TYR: variants seen among roughly 807,000 people sequenced by gnomAD.
TYR encodes the protein tyrosinase, also known as LB24-AB.
Under a neutral mutation model 51.5 loss-of-function variants are expected in TYR, and 58 were observed. The ratio of observed to expected loss-of-function variants is 1.13; its 90% CI spans 0.91 to 1.40. The LOEUF (loss-of-function observed/expected upper bound fraction) is 1.40. TYR is among the 40% of genes most tolerant of loss of function. The probability of loss-of-function intolerance (pLI) is 0.00; values close to 1 mark genes in which losing one functional copy is unlikely to be tolerated. For missense variants in TYR, 732 were observed against 647.4 expected (o/e 1.13, Z -1.42); for synonymous variants, 263 against 235.2 (o/e 1.12, Z -1.08).
chr11:89,182,569 C>A (rs1943316054), intron 1 of TYR, among the ~76,000 whole-genome samples: 1 of 152,158 alleles, frequency 6.6e-6, no homozygotes, highest in Non-Finnish European at 1.5e-5. Context: ...ATTTATTGGT[C>A]AGAGTTTTCT....
chr11:89,194,866 T>G (rs1943494437), intron 2 of TYR, among the ~76,000 whole-genome samples: 2 of 152,210 alleles, frequency 1.3e-5, no homozygotes, highest in Admixed American at 1.3e-4. Context: ...TTCTCTCTGG[T>G]AAGCAAATTA....
intron 2 of TYR, among the ~76,000 whole-genome samples, chr11:89,218,967 T>C (rs1389334969): frequency 6.6e-6 from 1 of 152,228 alleles, no homozygotes; most frequent in Non-Finnish European, 1.5e-5. Context: ...ATGACTTTTG[T>C]AAATTTAACC....
chr11:89,214,498 G>C (rs1048240083), intron 2 of TYR, among the ~76,000 whole-genome samples: 6 of 152,176 alleles, frequency 3.9e-5, no homozygotes, highest in African/African-American at 1.4e-4. Flanking sequence ...TCTAGAACTA[G>C]AAATACCATT....
chr11:89,272,394 C>CTTTT (rs35724269), intron 3 of TYR, among the ~76,000 whole-genome samples: 3 of 144,664 alleles, frequency 2.1e-5, no homozygotes, highest in Non-Finnish European at 4.6e-5. Context: ...TGAATGAAAT[C>CTTTT]TTTTTTTTTT....
chr11:89,191,735 C>T (rs942158371), intron 2 of TYR, among the ~76,000 whole-genome samples: 4 of 151,928 alleles, frequency 2.6e-5, no homozygotes, highest in African/African-American at 4.8e-5. Flanking sequence ...ATTCCAGCCT[C>T]GGTAACAAAG....
intron 1 of TYR, among the ~76,000 whole-genome samples, chr11:89,185,019 T>C (rs754423720): frequency 4.6e-5 from 7 of 152,166 alleles, no homozygotes; most frequent in Non-Finnish European, 1.0e-4. Context: ...ACCAATAAAA[T>C]AGTCTTGATT....
At chr11:89,214,916 G>A (rs1041307007) in intron 2 of TYR, among the ~76,000 whole-genome samples, 3 of 152,146 alleles carry the variant, frequency 2.0e-5, no homozygotes, top group African/African-American at 7.2e-5. Flanking sequence ...TTGGCAAGCT[G>A]CTTATTCTTC....
At chr11:89,247,773 T>G (rs1944284844) in intron 3 of TYR, among the ~76,000 whole-genome samples, 1 of 152,038 alleles carries the variant, frequency 6.6e-6, no homozygotes, top group Non-Finnish European at 1.5e-5. Flanking sequence ...GATTAGGAGA[T>G]CCTGGGGGCA....
At chr11:89,258,751 C>T (rs1392365665) in intron 3 of TYR, among the ~76,000 whole-genome samples, 8 of 151,994 alleles carry the variant, frequency 5.3e-5, no homozygotes, top group Admixed American at 6.6e-5. Context: ...ATAGGTTCAA[C>T]AATACGGCTT....
At chr11:89,291,325 G>A (rs1944850958) in intron 4 of TYR, among the ~76,000 whole-genome samples, 1 of 151,744 alleles carries the variant, frequency 6.6e-6, no homozygotes, top group Non-Finnish European at 1.5e-5. Context: ...TGATGTATAG[G>A]GAAGTTTAAT....
chr11:89,207,426 T>C (rs188987858), intron 2 of TYR, among the ~76,000 whole-genome samples: 4 of 152,150 alleles, frequency 2.6e-5, no homozygotes, highest in East Asian at 1.9e-4. Context: ...CAATAAGAAA[T>C]AGACAACTTG....
chr11:89,225,876 A>G (rs572431665), intron 2 of TYR, among the ~76,000 whole-genome samples: 1 of 152,128 alleles, frequency 6.6e-6, no homozygotes, highest in South Asian at 2.1e-4. Context: ...CAAAGAAAAG[A>G]TAAATGATCG....
At chr11:89,270,011 G>GT (rs1400308496) in intron 3 of TYR, among the ~76,000 whole-genome samples, 1 of 151,838 alleles carries the variant, frequency 6.6e-6, no homozygotes, top group Non-Finnish European at 1.5e-5. Context: ...GAATTATACC[G>GT]TAACTAGGCA....
chr11:89,203,508 C>T (rs963434703), intron 2 of TYR, among the ~76,000 whole-genome samples: 1 of 152,172 alleles, frequency 6.6e-6, no homozygotes, highest in Non-Finnish European at 1.5e-5. Flanking sequence ...CAGACTTCTA[C>T]TTCTGGGAAG....
intron 3 of TYR, among the ~76,000 whole-genome samples, chr11:89,263,976 A>G (rs991286837): frequency 6.6e-6 from 1 of 152,114 alleles, no homozygotes; most frequent in Admixed American, 6.6e-5. Flanking sequence ...TTAAAAGATC[A>G]TGATTCAAAT....
At chr11:89,256,308 C>A (rs1305911878) in intron 3 of TYR, among the ~76,000 whole-genome samples, 1 of 151,536 alleles carries the variant, frequency 6.6e-6, no homozygotes, top group East Asian at 1.9e-4. Context: ...TGATACTGTC[C>A]TATGTCATAT....
chr11:89,225,925 C>T (rs1943970041), intron 2 of TYR, among the ~76,000 whole-genome samples: 1 of 151,898 alleles, frequency 6.6e-6, no homozygotes, highest in African/African-American at 2.4e-5. Context: ...TTGATCATTA[C>T]ACCTTGTACA....
chr11:89,294,256 C>T (rs1049395872), intron 4 of TYR: 1 of 152,406 alleles, frequency 6.6e-6, no homozygotes, highest in African/African-American at 2.4e-5. Flanking sequence ...TTTTTTCCTC[C>T]CTTTTTAAAA....
At chr11:89,209,834 C>T (rs1168957162) in intron 2 of TYR, among the ~76,000 whole-genome samples, 3 of 152,074 alleles carry the variant, frequency 2.0e-5, no homozygotes, top group Non-Finnish European at 2.9e-5. Context: ...GGGTCTGGAG[C>T]GGACCTCAAG....
Sources: allele counts gnomAD v4.1 joint callset (sites outside exome capture counted in the v4.1 genomes callset), GRCh38; gene constraint gnomAD v4.1.1; transcripts MANE v1.5; gene names NCBI Gene and HGNC (gene_info 2026-07-23, HGNC 2026-07-21).